The following CNBD1 variants were observed in gnomAD, a reference collection of about 807,000 sequenced individuals.
CNBD1 encodes the protein cyclic nucleotide-binding domain-containing protein 1.
Under a neutral mutation model 54.4 loss-of-function variants are expected in CNBD1, and 71 were observed. The observed-to-expected ratio is 1.30, with a 90% CI of 1.08 to 1.59. The LOEUF (loss-of-function observed/expected upper bound fraction) is 1.59. CNBD1 is among the 40% of genes most tolerant of loss of function. The pLI is 0.00. For synonymous variants in CNBD1, 182 were observed against 170.7 expected (o/e 1.07, Z -0.51); for missense variants, 659 against 518.0 (o/e 1.27, Z -2.64).
chr8:87,081,873 A>G (rs1258022050), intron 4 of CNBD1, among the ~76,000 whole-genome samples: 1 of 152,150 alleles, frequency 6.6e-6, no homozygotes, highest in African/African-American at 2.4e-5. Context: ...GTGTCAATTT[A>G]GTCTCTAATT....
At chr8:86,963,441 G>A (rs980360377) in intron 4 of CNBD1, among the ~76,000 whole-genome samples, 5 of 152,074 alleles carry the variant, frequency 3.3e-5, no homozygotes, top group Admixed American at 1.3e-4. Context: ...CTGAAGCTTC[G>A]GAGAAAAAGG....
chr8:87,393,419 A>G (rs1811349111), intron 2 of CNBD1, among the ~76,000 whole-genome samples: 1 of 151,968 alleles, frequency 6.6e-6, no homozygotes, highest in South Asian at 2.1e-4. Flanking sequence ...ATTTGAAAGT[A>G]CACATATGCA....
intron 4 of CNBD1, among the ~76,000 whole-genome samples, chr8:87,128,597 G>C (rs28429382): frequency 1.0e-3 from 159 of 152,174 alleles, no homozygotes; most frequent in African/African-American, 3.7e-3. Flanking sequence ...TAATGGATTT[G>C]ACAAATACCT....
Position 87,010,604 on chromosome 8 carries a change from G to T in CNBD1, c.431+70850G>T, listed in dbSNP as rs1017433112. On this transcript the variant is annotated intron_variant, in intron 4 of 10. Transcript: ENST00000518476. ...CTCTACTAAAAATACAAAAATCCAG[G>T]CCTGATGGTACATGCCTGTAATCCC... Among the ~76,000 whole-genome samples the T allele has an allele frequency of 1.5e-4, 23 of 151,940 alleles. 2 individuals carry two copies. The highest frequency in any genetic ancestry group is 1.5e-3 in the Admixed American group (23 of 15,248).
chr8:87,418,911 A>T (rs1807880028), intron 2 of CNBD1, among the ~76,000 whole-genome samples: 1 of 151,858 alleles, frequency 6.6e-6, no homozygotes, highest in South Asian at 2.1e-4. Flanking sequence ...CAAAAAGCAA[A>T]CCATTGACTT....
intron 2 of CNBD1, among the ~76,000 whole-genome samples, chr8:87,426,742 T>C (rs1808057532): frequency 6.6e-6 from 1 of 152,206 alleles, no homozygotes; most frequent in Non-Finnish European, 1.5e-5. Context: ...AGGTGGCACC[T>C]AGCACTTAGT....
At chr8:87,396,138 G>C (rs925983095) in intron 2 of CNBD1, among the ~76,000 whole-genome samples, 10 of 151,866 alleles carry the variant, frequency 6.6e-5, no homozygotes, top group Non-Finnish European at 1.5e-4. Context: ...ATGTATAGAA[G>C]AGGAAATATT....
At chr8:87,093,961 G>A (rs537895982) in intron 4 of CNBD1, among the ~76,000 whole-genome samples, 56 of 152,194 alleles carry the variant, frequency 3.7e-4, no homozygotes, top group African/African-American at 1.3e-3. Context: ...AACACAATAG[G>A]CATGCAGTAA....
chr8:86,885,628 G>T (rs756978415), intron 1 of CNBD1, among the ~76,000 whole-genome samples: 1 of 152,180 alleles, frequency 6.6e-6, no homozygotes, highest in Non-Finnish European at 1.5e-5. Context: ...ACAATTTCAT[G>T]TTGAAACCTT....
intron 4 of CNBD1, among the ~76,000 whole-genome samples, chr8:87,016,468 A>G (rs1298959894): frequency 1.3e-5 from 2 of 151,444 alleles, no homozygotes; most frequent in African/African-American, 2.4e-5. Context: ...AAAAAAAAAA[A>G]ACTATCTAGG....
intron 4 of CNBD1, among the ~76,000 whole-genome samples, chr8:87,142,835 T>A (rs561125214): frequency 6.6e-6 from 1 of 152,272 alleles, no homozygotes; most frequent in Non-Finnish European, 1.5e-5. Flanking sequence ...TTAACAAACC[T>A]GGAGTTTTTT....
chr8:86,916,135 G>A (rs1438972173), intron 3 of CNBD1, among the ~76,000 whole-genome samples: 2 of 152,070 alleles, frequency 1.3e-5, no homozygotes, highest in African/African-American at 2.4e-5. Context: ...AATCTGTTCG[G>A]GTCTGCAGCA....
chr8:87,392,674 G>T (rs1482755019), intron 2 of CNBD1, among the ~76,000 whole-genome samples: 1 of 151,888 alleles, frequency 6.6e-6, no homozygotes, highest in African/African-American at 2.4e-5. Flanking sequence ...ATGAAGAGTG[G>T]CTACTAAATC....
chr8:86,875,373 T>C (rs1019634102), intron 1 of CNBD1, among the ~76,000 whole-genome samples: 4 of 152,104 alleles, frequency 2.6e-5, no homozygotes, highest in Admixed American at 2.0e-4. Context: ...CCCTACCTAC[T>C]CCTGGTATAG....
At chr8:87,314,931 A>C (rs530242500) in intron 8 of CNBD1, among the ~76,000 whole-genome samples, 1 of 152,192 alleles carries the variant, frequency 6.6e-6, no homozygotes, top group East Asian at 1.9e-4. Context: ...TGCTGCAAAG[A>C]TGTCTTTTAT....
rs71556428 is a variant in CNBD1 at position 87,116,195 on chromosome 8, C to CTTTTTTT, written c.432-89780_432-89774dup. Reference sequence around the variant, plus strand: ...TTGCTATTTTATTCTATTCTCATGTCTTTTTTTTTTTTTTTTTTTTTTTTG... The same window carrying CTTTTTTT: ...TTGCTATTTTATTCTATTCTCATGTCTTTTTTTTTTTTTTTTTTTTTTTTTTTTTTTG... On this transcript the variant is annotated intron_variant, in intron 4 of 10. Coordinates refer to ENST00000518476, the MANE Select transcript of CNBD1 (RefSeq NM_173538.3). 1.5e-3 allele frequency among the ~76,000 whole-genome samples: 110 copies of CTTTTTTT among 74,536 alleles called. 1 individual carries two copies. Among genetic ancestry groups the CTTTTTTT allele is most frequent in the Non-Finnish European group, 1.8e-3 (75 of 41,680 alleles). The allele number at this position is 74,536 out of a possible 152,430, so 48.9% of individuals were successfully genotyped here.
chr8:86,868,620 C>T (rs901764311), intron 1 of CNBD1, among the ~76,000 whole-genome samples: 4 of 152,162 alleles, frequency 2.6e-5, no homozygotes, highest in African/African-American at 9.7e-5. Flanking sequence ...GCGTGAGCTA[C>T]CACGCCCCGG....
intron 1 of CNBD1, among the ~76,000 whole-genome samples, chr8:86,880,566 A>G (rs1204142663): frequency 6.6e-6 from 1 of 152,160 alleles, no homozygotes; most frequent in African/African-American, 2.4e-5. Context: ...GAGGTGTCCT[A>G]GAACCAACAC....
At chr8:87,015,147 T>A (rs961107687) in intron 4 of CNBD1, among the ~76,000 whole-genome samples, 2 of 152,188 alleles carry the variant, frequency 1.3e-5, no homozygotes, top group Non-Finnish European at 2.9e-5. Context: ...AATAATTGGT[T>A]AAAACAAGAT....
Sources: allele counts gnomAD v4.1 joint callset (sites outside exome capture counted in the v4.1 genomes callset), GRCh38; gene constraint gnomAD v4.1.1; transcripts MANE v1.5; gene names NCBI Gene and HGNC (gene_info 2026-07-23, HGNC 2026-07-21).